ANK3: variants seen among roughly 807,000 people sequenced by gnomAD.
The protein encoded by ANK3 is ankyrin 3, also known as ankyrin-3.
ANK3 carries 57 observed loss-of-function variants against 370.9 expected under a neutral mutation model. That is an observed-to-expected ratio of 0.15 (90% CI 0.12 to 0.19). ANK3 has a LOEUF of 0.19. Ranked by LOEUF, ANK3 falls within the 10% of genes least tolerant of loss-of-function variation. The pLI is 1.00. For missense variants in ANK3, 4,439 were observed against 5,302.1 expected (o/e 0.84, Z 5.06); for synonymous variants, 1,929 against 1,946.3 (o/e 0.99, Z 0.23).
intron 20 of ANK3, among the ~76,000 whole-genome samples, 173 bp downstream of exon 20, chr10:60,172,727 C>T (rs1314861929): frequency 6.6e-6 from 1 of 151,914 alleles, no homozygotes; most frequent in Non-Finnish European, 1.5e-5. Flanking sequence ...CACTAATCAT[C>T]TCTCTCTCTC....
intron 2 of ANK3, among the ~76,000 whole-genome samples, chr10:60,529,533 T>C (rs981624395): frequency 2.0e-5 from 3 of 152,170 alleles, no homozygotes; most frequent in African/African-American, 7.2e-5. Context: ...TCCAGAGTGT[T>C]GTAAATACAT....
At chr10:60,715,583 T>G (rs1417270161) in intron 1 of ANK3, among the ~76,000 whole-genome samples, 2 of 152,112 alleles carry the variant, frequency 1.3e-5, no homozygotes, top group Non-Finnish European at 2.9e-5. Context: ...GAGGGTATAT[T>G]TGGGTCACAG....
intron 25 of ANK3, among the ~76,000 whole-genome samples, chr10:60,118,320 A>G (rs978761122): frequency 2.6e-5 from 4 of 152,246 alleles, no homozygotes; most frequent in Non-Finnish European, 4.4e-5. Context: ...AAATTTGTAG[A>G]GCAATTACAT....
At chr10:60,396,551 C>T (rs916394296) in intron 2 of ANK3, among the ~76,000 whole-genome samples, 9 of 152,072 alleles carry the variant, frequency 5.9e-5, no homozygotes, top group Non-Finnish European at 1.0e-4. Context: ...AGCTTAATAA[C>T]AATTCAAAAA....
intron 7 of ANK3, among the ~76,000 whole-genome samples, chr10:60,235,936 C>A (rs1009773225): frequency 2.0e-5 from 3 of 152,132 alleles, no homozygotes. Flanking sequence ...GAATTACAAT[C>A]CCCATTTTAC....
At chr10:60,529,807 C>T (rs538846990) in intron 2 of ANK3, among the ~76,000 whole-genome samples, 1 of 152,154 alleles carries the variant, frequency 6.6e-6, no homozygotes, top group African/African-American at 2.4e-5. Context: ...ATCTTACTGT[C>T]TAAACCAATA....
At chr10:60,427,428 G>A (rs981058637) in intron 2 of ANK3, among the ~76,000 whole-genome samples, 3 of 151,838 alleles carry the variant, frequency 2.0e-5, no homozygotes, top group Admixed American at 1.3e-4. Context: ...TGACATTCTT[G>A]GTGAGGAACC....
intron 2 of ANK3, among the ~76,000 whole-genome samples, chr10:60,432,563 C>G (rs2064052216): frequency 1.3e-5 from 2 of 152,264 alleles, no homozygotes; most frequent in South Asian, 4.1e-4. Flanking sequence ...TTTATTAACT[C>G]TAGGAATTGA....
chr10:60,104,194 T>C (rs2091786810), intron 28 of ANK3, among the ~76,000 whole-genome samples: 1 of 150,708 alleles, frequency 6.6e-6, no homozygotes, highest in Non-Finnish European at 1.5e-5. Flanking sequence ...AGTTTACCTA[T>C]ATAACAAACC....
chr10:60,361,683 G>C (rs762877854), intron 1 of ANK3, among the ~76,000 whole-genome samples: 2 of 152,138 alleles, frequency 1.3e-5, no homozygotes, highest in African/African-American at 2.4e-5. Context: ...TGTAGTCCAA[G>C]AAATATTCTG....
chr10:60,052,369 A>AT (rs1280318674), intron 42 of ANK3, among the ~76,000 whole-genome samples: 3 of 152,334 alleles, frequency 2.0e-5, no homozygotes, highest in African/African-American at 7.2e-5. Flanking sequence ...ATATTAGCAT[A>AT]TTTTGGCACA....
intron 1 of ANK3, among the ~76,000 whole-genome samples, chr10:60,662,577 G>C (rs2078948510): frequency 6.6e-6 from 1 of 152,090 alleles, no homozygotes; most frequent in Non-Finnish European, 1.5e-5. Flanking sequence ...TTTATAACAT[G>C]TAATCTGAAT....
At chr10:60,046,647 TTAGA>T (rs1484171370) in intron 42 of ANK3, among the ~76,000 whole-genome samples, 1 of 151,910 alleles carries the variant, frequency 6.6e-6, no homozygotes, top group African/African-American at 2.4e-5. Flanking sequence ...GAGGAATAGA[TTAGA>T]TAGGAGTTGA....
At chr10:60,138,553 A>T (rs890031305) in intron 24 of ANK3, 3 of 404,340 alleles carry the variant, frequency 7.4e-6, no homozygotes, top group Non-Finnish European at 8.7e-6. Context: ...ATCATGAATT[A>T]TTATTTCAGT....
At chr10:60,401,621 C>G in intron 2 of ANK3, among the ~76,000 whole-genome samples, 1 of 152,258 alleles carries the variant, frequency 6.6e-6, no homozygotes, top group East Asian at 1.9e-4. Flanking sequence ...TTACAATCTA[C>G]TTTAAAATGT....
intron 2 of ANK3, among the ~76,000 whole-genome samples, chr10:60,538,717 A>G (rs1412966932): frequency 2.0e-5 from 3 of 151,868 alleles, no homozygotes; most frequent in Non-Finnish European, 4.4e-5. Context: ...TGCATTTAAA[A>G]CTTCTAAAGG....
rs1313211580 is a variant in ANK3 at position 60,250,579 on chromosome 10, A to C, written c.798+11280T>G. ...ACGGAGTTTCACCATGTTAGCCAGG[A>C]TGGTCTCGATCTCCTGACCTTGTGA... On this transcript the variant is annotated intron_variant, in intron 7 of 43. Transcript: ENST00000280772. Among the ~76,000 whole-genome samples, 5 of 152,042 alleles carry C rather than the reference A, an allele frequency of 3.3e-5. 1 individual carries two copies. In the South Asian group the frequency reaches 8.3e-4, roughly 25 times the overall value.
chr10:60,282,706 T>C (rs12782314), intron 1 of ANK3, among the ~76,000 whole-genome samples: 23,665 of 152,174 alleles, frequency 0.16, 1,961 homozygotes, highest in African/African-American at 0.19. Flanking sequence ...AGATAGCTAA[T>C]TGACCACCTC....
chr10:60,505,792 T>G (rs1375999030), intron 2 of ANK3, among the ~76,000 whole-genome samples: 2 of 152,156 alleles, frequency 1.3e-5, no homozygotes, highest in Non-Finnish European at 2.9e-5. Context: ...GTTAGACTAT[T>G]TTTAAAAAGC....
Sources: gnomAD v4.1 joint callset for allele counts (sites outside exome capture counted in the v4.1 genomes callset) on GRCh38, gnomAD v4.1.1 for gene constraint, MANE v1.5 for transcripts, NCBI Gene and HGNC (gene_info 2026-07-23, HGNC 2026-07-21) for gene names.